SGCD: variants seen among roughly 807,000 people sequenced by gnomAD.
SGCD encodes the protein sarcoglycan delta.
A neutral mutation model predicts 36.6 loss-of-function variants in SGCD; 18 were observed. The observed-to-expected ratio is 0.49, with a 90% CI of 0.34 to 0.73. The LOEUF is 0.73. SGCD is among the 30% of genes least tolerant of loss of function. SGCD has a pLI of 0.01. For synonymous variants in SGCD, 133 were observed against 130.6 expected (o/e 1.02, Z -0.12); for missense variants, 387 against 346.7 (o/e 1.12, Z -0.92).
intron 1 of SGCD, among the ~76,000 whole-genome samples, chr5:156,050,159 A>G (rs1321346468): frequency 6.8e-6 from 1 of 146,796 alleles, no homozygotes; most frequent in African/African-American, 2.5e-5. Context: ...ATCGCATGCC[A>G]TAGAGAAATC....
intron 4 of SGCD, among the ~76,000 whole-genome samples, chr5:156,587,412 C>A (rs1449906698): frequency 1.3e-5 from 2 of 152,184 alleles, no homozygotes; most frequent in African/African-American, 2.4e-5. Flanking sequence ...CTTCTGTCAG[C>A]CACATCACAT....
At chr5:156,637,726 A>G (rs1162553515) in intron 6 of SGCD, among the ~76,000 whole-genome samples, 1 of 152,184 alleles carries the variant, frequency 6.6e-6, no homozygotes, top group Non-Finnish European at 1.5e-5. Flanking sequence ...CAAGGAAATG[A>G]CATGCTGGCC....
intron 1 of SGCD, among the ~76,000 whole-genome samples, chr5:155,988,571 C>T (rs1581029321): frequency 6.6e-6 from 1 of 151,768 alleles, no homozygotes; most frequent in Non-Finnish European, 1.5e-5. Context: ...ATTGGTCAAA[C>T]TGATCTTATG....
chr5:155,765,227 C>T, the SGCD span, among the ~76,000 whole-genome samples: 4 of 151,616 alleles, frequency 2.6e-5, no homozygotes, highest in African/African-American at 9.7e-5. Flanking sequence ...CTCCAGTAAG[C>T]TGTGATTGTG....
intron 1 of SGCD, among the ~76,000 whole-genome samples, chr5:155,986,578 T>C (rs1052917694): frequency 1.3e-5 from 2 of 152,120 alleles, no homozygotes; most frequent in African/African-American, 2.4e-5. Flanking sequence ...AGGAGGGATA[T>C]GGATTGTGAA....
At chr5:155,773,369 G>A in the SGCD span, among the ~76,000 whole-genome samples, 11 of 152,128 alleles carry the variant, frequency 7.2e-5, no homozygotes, top group South Asian at 8.3e-4. Flanking sequence ...TCATAAAGAC[G>A]GGGTCTCACT....
intron 3 of SGCD, among the ~76,000 whole-genome samples, chr5:156,188,028 G>T (rs1347249329): frequency 6.6e-6 from 1 of 152,154 alleles, no homozygotes; most frequent in African/African-American, 2.4e-5. Flanking sequence ...AATTCAAGGA[G>T]GCTGTCATGT....
intron 7 of SGCD, among the ~76,000 whole-genome samples, chr5:156,749,277 T>TATAA (rs1369559160): frequency 6.6e-6 from 1 of 152,148 alleles, no homozygotes; most frequent in Admixed American, 6.5e-5. Flanking sequence ...ACACCTATAT[T>TATAA]ATAAATACTC....
At chr5:156,348,109 A>G (rs1329968505) in intron 3 of SGCD, among the ~76,000 whole-genome samples, 3 of 152,234 alleles carry the variant, frequency 2.0e-5, no homozygotes, top group Non-Finnish European at 2.9e-5. Context: ...TCTTGCACAA[A>G]TAAAAATTTA....
At chr5:156,246,867 T>C (rs1204284879) in intron 3 of SGCD, among the ~76,000 whole-genome samples, 2 of 152,174 alleles carry the variant, frequency 1.3e-5, no homozygotes, top group South Asian at 4.1e-4. Flanking sequence ...CCAGCTCGCC[T>C]CTTAATAATG....
intron 1 of SGCD, among the ~76,000 whole-genome samples, chr5:156,007,729 A>G (rs778278009): frequency 6.6e-6 from 1 of 152,234 alleles, no homozygotes; most frequent in Non-Finnish European, 1.5e-5. Flanking sequence ...AGTAAACCCA[A>G]AGTCTAAGTG....
intron 3 of SGCD, among the ~76,000 whole-genome samples, chr5:156,153,984 TA>T (rs1357009281): frequency 6.6e-6 from 1 of 151,658 alleles, no homozygotes; most frequent in African/African-American, 2.4e-5. Flanking sequence ...GGAATCTTTA[TA>T]AAAGATGTAC....
chr5:156,042,927 C>T (rs1759673471), intron 1 of SGCD, among the ~76,000 whole-genome samples: 1 of 152,152 alleles, frequency 6.6e-6, no homozygotes, highest in African/African-American at 2.4e-5. Context: ...TTAGCTCAGC[C>T]TCCTCACCTA....
At chr5:156,331,637 T>G (rs1394820060) in intron 2 of SGCD, among the ~76,000 whole-genome samples, 1 of 152,236 alleles carries the variant, frequency 6.6e-6, no homozygotes, top group Non-Finnish European at 1.5e-5. Context: ...GTGAGCACCT[T>G]GACTTCCAAA....
At chr5:156,244,332 G>A (rs919116719) in intron 3 of SGCD, among the ~76,000 whole-genome samples, 1 of 152,174 alleles carries the variant, frequency 6.6e-6, no homozygotes, top group Non-Finnish European at 1.5e-5. Context: ...TCCTTTTGCT[G>A]TAAAAAACAT....
chr5:155,731,628 GT>G, the SGCD span, among the ~76,000 whole-genome samples: 1 of 152,226 alleles, frequency 6.6e-6, no homozygotes, highest in Non-Finnish European at 1.5e-5. Flanking sequence ...TGTAGTCATT[GT>G]TTTTGTTTGT....
At chr5:156,189,293 G>A (rs879590901) in intron 3 of SGCD, among the ~76,000 whole-genome samples, 12 of 152,066 alleles carry the variant, frequency 7.9e-5, no homozygotes, top group Non-Finnish European at 1.6e-4. Context: ...ATTCTGTGAG[G>A]AAAATCTAAA....
chr5:156,693,190 T>C (rs79694772), intron 7 of SGCD, among the ~76,000 whole-genome samples: 330 of 152,336 alleles, frequency 2.2e-3, no homozygotes, highest in African/African-American at 7.6e-3. Flanking sequence ...TAGATTTTAC[T>C]TTTTCTACTC....
At chr5:156,125,112 A>C (rs1762139372) in intron 3 of SGCD, among the ~76,000 whole-genome samples, 1 of 152,186 alleles carries the variant, frequency 6.6e-6, no homozygotes, top group Non-Finnish European at 1.5e-5. Flanking sequence ...GTTCAAGAGA[A>C]GTTGTAGGAT....
Sources: gnomAD v4.1 joint callset for allele counts (sites outside exome capture counted in the v4.1 genomes callset) on GRCh38, gnomAD v4.1.1 for gene constraint, MANE v1.5 for transcripts, NCBI Gene and HGNC (gene_info 2026-07-23, HGNC 2026-07-21) for gene names.